Variants in JADE3 observed in about 807,000 individuals in gnomAD.
The protein encoded by JADE3 is jade family PHD finger 3.
A neutral mutation model predicts 50.1 loss-of-function variants in JADE3; 2 were observed. The ratio of observed to expected loss-of-function variants is 0.04; its 90% CI spans 0.02 to 0.13. JADE3 has a LOEUF of 0.13. JADE3 is among the 10% of genes least tolerant of loss of function. The probability of loss-of-function intolerance (pLI) is 1.00; values close to 1 mark genes in which losing one functional copy is unlikely to be tolerated. For synonymous variants in JADE3, 218 were observed against 232.9 expected (o/e 0.94, Z 0.58); for missense variants, 475 against 634.4 (o/e 0.75, Z 2.70).
chrX:46,979,556 T>A (rs1185373199), intron 1 of JADE3, among the ~76,000 whole-genome samples: 1 of 112,018 alleles, frequency 8.9e-6, no homozygotes, highest in African/African-American at 3.2e-5. Context: ...AAACTTTCAT[T>A]TCTCTGGGAT....
At chrX:46,971,895 G>A (rs782071376) in intron 1 of JADE3, among the ~76,000 whole-genome samples, 32 of 110,426 alleles carry the variant, frequency 2.9e-4, no homozygotes, top group African/African-American at 7.6e-4. Flanking sequence ...ACCGAGTGAG[G>A]TCTATAGCAG....
At chrX:46,961,786 T>C (rs1382380505) in intron 1 of JADE3, among the ~76,000 whole-genome samples, 1 of 112,216 alleles carries the variant, frequency 8.9e-6, no homozygotes, top group Admixed American at 9.5e-5. Flanking sequence ...AACAGTAAGC[T>C]TGAAAGCACA....
chrX:46,959,515 T>A (rs989536840), intron 1 of JADE3, among the ~76,000 whole-genome samples: 24 of 111,570 alleles, frequency 2.2e-4, no homozygotes, highest in Non-Finnish European at 3.6e-4. Flanking sequence ...TGTCAATGTG[T>A]AAGGAAATGG....
chrX:46,924,275 G>C (rs1450199830), intron 1 of JADE3, among the ~76,000 whole-genome samples: 1 of 111,574 alleles, frequency 9.0e-6, no homozygotes, highest in Non-Finnish European at 1.9e-5. Flanking sequence ...CCTCTTACAA[G>C]CTTCACACTC....
intron 1 of JADE3, among the ~76,000 whole-genome samples, chrX:46,928,702 G>C (rs1173180496): frequency 9.8e-5 from 11 of 111,882 alleles, no homozygotes; most frequent in African/African-American, 3.6e-4. Flanking sequence ...TTCTACCTCA[G>C]CTTCCTGAGT....
At chrX:47,041,119 T>C (rs1929245443) in intron 8 of JADE3, among the ~76,000 whole-genome samples, 1 of 111,147 alleles carries the variant, frequency 9.0e-6, no homozygotes, top group African/African-American at 3.3e-5. Flanking sequence ...TTGCTGCCCA[T>C]GTGTGAGTCC....
chrX:46,956,069 G>A (rs185450182), intron 1 of JADE3, among the ~76,000 whole-genome samples: 2 of 108,803 alleles, frequency 1.8e-5, no homozygotes, highest in African/African-American at 6.7e-5. Context: ...TGTGTGTTTT[G>A]TTTTGTTTTG....
chrX:47,046,367 G>A (rs782319554), intron 8 of JADE3, among the ~76,000 whole-genome samples: 2 of 111,917 alleles, frequency 1.8e-5, no homozygotes, highest in African/African-American at 3.2e-5. Context: ...GTAACAGATG[G>A]TGAGATTGAA....
chrX:46,956,891 G>A lies in JADE3; in HGVS notation c.-11-27993G>A, dbSNP rs988760404. ...GGCTGGAGTGCAGTGGCATGATCTC[G>A]GCTCACTGAAACCTCTGCCTCCCGG... On this transcript the variant is annotated intron_variant, in intron 1 of 10. Coordinates refer to ENST00000614628, the MANE Select transcript of JADE3 (RefSeq NM_014735.5). Among the ~76,000 whole-genome samples, 3 of 102,245 alleles carry A rather than the reference G, an allele frequency of 2.9e-5. No individual in the cohort carries two copies. In the Admixed American group the frequency reaches 3.3e-4, roughly 11 times the overall value. The allele number at this position is 102,245 out of a possible 115,157, so 88.8% of individuals were successfully genotyped here. A position where few individuals can be genotyped will look rare whatever the true frequency, so the allele number is the denominator to read the frequency against.
chrX:47,028,696 T>C (rs977477854), intron 6 of JADE3, among the ~76,000 whole-genome samples: 18 of 111,409 alleles, frequency 1.6e-4, no homozygotes, highest in African/African-American at 5.9e-4. Context: ...TGTCATTCTT[T>C]CTACTATACT....
chrX:46,935,968 C>A (rs1926612216), intron 1 of JADE3, among the ~76,000 whole-genome samples: 1 of 103,535 alleles, frequency 9.7e-6, no homozygotes, highest in African/African-American at 3.6e-5. Flanking sequence ...TGAGCCACCA[C>A]GCCTGGCTGA....
chrX:46,917,849 CTCTCTCATCCT>C (rs1926130754), intron 1 of JADE3, among the ~76,000 whole-genome samples: 1 of 89,251 alleles, frequency 1.1e-5, no homozygotes, highest in Non-Finnish European at 2.2e-5. Flanking sequence ...CTCTCTCTCT[CTCTCTCATCCT>C]CTCTCTCTCT....
chrX:47,031,982 G>A (rs1929029513), intron 6 of JADE3, among the ~76,000 whole-genome samples: 1 of 112,060 alleles, frequency 8.9e-6, no homozygotes, highest in East Asian at 2.8e-4. Context: ...GGGCTACAGT[G>A]ACCTGAGCAG....
chrX:46,982,940 T>G (rs1267172900), intron 1 of JADE3, among the ~76,000 whole-genome samples: 1 of 111,795 alleles, frequency 8.9e-6, no homozygotes, highest in African/African-American at 3.3e-5. Flanking sequence ...GCAGTTCTCC[T>G]GACTCAGCCT....
At chrX:46,988,115 A>G (rs901488155) in intron 3 of JADE3, among the ~76,000 whole-genome samples, 5 of 112,021 alleles carry the variant, frequency 4.5e-5, no homozygotes, top group African/African-American at 1.6e-4. Context: ...AATTTAAACA[A>G]TTATGAGACT....
intron 1 of JADE3, among the ~76,000 whole-genome samples, chrX:46,932,192 C>T (rs141457134): frequency 2.1e-3 from 231 of 112,088 alleles, no homozygotes; most frequent in Non-Finnish European, 3.3e-3. Context: ...CTTTCAGTGT[C>T]GTACTGGAGC....
chrX:46,926,056 T>C (rs1926356817), intron 1 of JADE3, among the ~76,000 whole-genome samples: 1 of 100,796 alleles, frequency 9.9e-6, no homozygotes, highest in Admixed American at 1.1e-4. Flanking sequence ...TATTTTATTT[T>C]ATTTTATTTT....
intron 1 of JADE3, among the ~76,000 whole-genome samples, chrX:46,929,209 A>G (rs1464825502): frequency 2.7e-5 from 3 of 112,066 alleles, no homozygotes; most frequent in African/African-American, 6.5e-5. Flanking sequence ...AAACAGCTGT[A>G]TCCTACTTGT....
At chrX:46,975,369 A>G (rs1464532849) in intron 1 of JADE3, among the ~76,000 whole-genome samples, 2 of 112,329 alleles carry the variant, frequency 1.8e-5, no homozygotes, top group Non-Finnish European at 3.8e-5. Flanking sequence ...GGGGAATGGA[A>G]AAATTCAGAA....
Sources: gnomAD v4.1 joint callset for allele counts (sites outside exome capture counted in the v4.1 genomes callset) on GRCh38, gnomAD v4.1.1 for gene constraint, MANE v1.5 for transcripts, NCBI Gene and HGNC (gene_info 2026-07-23, HGNC 2026-07-21) for gene names.